IL1RAPL1: variants seen among roughly 807,000 people sequenced by gnomAD.
IL1RAPL1 encodes the protein interleukin-1 receptor accessory protein-like 1.
Under a neutral mutation model 48.4 loss-of-function variants are expected in IL1RAPL1, and 3 were observed. The observed-to-expected ratio is 0.06, with a 90% CI of 0.03 to 0.16. The LOEUF is 0.16. Ranked by LOEUF, IL1RAPL1 falls within the 10% of genes least tolerant of loss-of-function variation. IL1RAPL1 has a pLI of 1.00. For missense variants in IL1RAPL1, 349 were observed against 530.6 expected (o/e 0.66, Z 3.36); for synonymous variants, 185 against 187.7 (o/e 0.99, Z 0.12).
chrX:29,213,680 C>G (rs1433822887), intron 2 of IL1RAPL1, among the ~76,000 whole-genome samples: 1 of 112,818 alleles, frequency 8.9e-6, no homozygotes, highest in Non-Finnish European at 1.9e-5. Flanking sequence ...GGCATGGACA[C>G]TGCTTGTTCT....
chrX:29,747,633 T>A (rs1300276981), intron 6 of IL1RAPL1, among the ~76,000 whole-genome samples: 3 of 112,443 alleles, frequency 2.7e-5, no homozygotes, highest in African/African-American at 9.7e-5. Flanking sequence ...GTCTAGGTTA[T>A]CTTTTGGAAA....
At chrX:29,817,469 G>C (rs753769362) in intron 6 of IL1RAPL1, among the ~76,000 whole-genome samples, 3 of 111,007 alleles carry the variant, frequency 2.7e-5, no homozygotes, top group Non-Finnish European at 5.7e-5. Flanking sequence ...CAGCTGAAAG[G>C]TGTATGAAGT....
chrX:29,887,437 C>T (rs926030880), intron 6 of IL1RAPL1, among the ~76,000 whole-genome samples: 1 of 111,697 alleles, frequency 9.0e-6, no homozygotes, highest in African/African-American at 3.3e-5. Flanking sequence ...AATTTGGTCT[C>T]TTTATGTATA....
intron 5 of IL1RAPL1, among the ~76,000 whole-genome samples, chrX:29,487,429 A>G (rs1016623163): frequency 1.8e-5 from 2 of 111,633 alleles, no homozygotes; most frequent in African/African-American, 6.5e-5. Context: ...GAATCAGTCA[A>G]TGGGAATCTT....
intron 6 of IL1RAPL1, among the ~76,000 whole-genome samples, chrX:29,795,470 G>A (rs770580623): frequency 5.3e-5 from 6 of 112,228 alleles, no homozygotes; most frequent in Non-Finnish European, 1.1e-4. Flanking sequence ...GAGTGTAGTG[G>A]CACAATCTCG....
chrX:29,212,485 T>A, intron 2 of IL1RAPL1, among the ~76,000 whole-genome samples: 1 of 111,101 alleles, frequency 9.0e-6, no homozygotes, highest in East Asian at 2.8e-4. Context: ...ATTTTTGTAT[T>A]TTAAGTAGAG....
chrX:28,962,481 C>T (rs1024201519), intron 2 of IL1RAPL1, among the ~76,000 whole-genome samples: 2 of 111,130 alleles, frequency 1.8e-5, no homozygotes, highest in African/African-American at 6.5e-5. Context: ...GGTAGTAAGA[C>T]TTTTGTTTAA....
chrX:29,221,672 C>CACAT (rs1930982036), intron 2 of IL1RAPL1, among the ~76,000 whole-genome samples: 4 of 91,948 alleles, frequency 4.4e-5, no homozygotes. Context: ...CACACACACA[C>CACAT]ATATGACAGA....
intron 9 of IL1RAPL1, among the ~76,000 whole-genome samples, chrX:29,949,879 CAT>C (rs1389974099): frequency 2.3e-4 from 26 of 111,998 alleles, no homozygotes; most frequent in African/African-American, 7.8e-4. Context: ...CCTTAGAATC[CAT>C]ATGATTTTGA....
chrX:29,906,461 AT>A (rs1932624054), intron 6 of IL1RAPL1, among the ~76,000 whole-genome samples: 6 of 127 alleles, frequency 0.047, no homozygotes, highest in Non-Finnish European at 0.088. Context: ...AACTTTGTAA[AT>A]ATATATATAT....
chrX:28,749,671 G>T (rs1468925398), intron 1 of IL1RAPL1, among the ~76,000 whole-genome samples: 2 of 111,497 alleles, frequency 1.8e-5, no homozygotes, highest in Admixed American at 9.6e-5. Flanking sequence ...CAGATATATA[G>T]TTTGCAAATA....
chrX:29,506,471 CATTCTT>C (rs1935331319), intron 5 of IL1RAPL1, among the ~76,000 whole-genome samples: 1 of 107,063 alleles, frequency 9.3e-6, no homozygotes, highest in Non-Finnish European at 1.9e-5. Flanking sequence ...TCCTCCTTCT[CATTCTT>C]CTTCTTCTTT....
chrX:29,057,192 C>G (rs755896266), intron 2 of IL1RAPL1, among the ~76,000 whole-genome samples: 201 of 111,687 alleles, frequency 1.8e-3, no homozygotes, highest in Middle Eastern at 9.3e-3. Flanking sequence ...ATGATGACCT[C>G]ATCATGATAT....
chrX:29,280,918 A>C (rs1932191407), intron 2 of IL1RAPL1, among the ~76,000 whole-genome samples: 1 of 112,281 alleles, frequency 8.9e-6, no homozygotes, highest in Non-Finnish European at 1.9e-5. Context: ...AGGCAGAGGG[A>C]AGAGCAAGTT....
At chrX:29,020,618 C>A (rs1926341741) in intron 2 of IL1RAPL1, among the ~76,000 whole-genome samples, 1 of 111,513 alleles carries the variant, frequency 9.0e-6, no homozygotes, top group Non-Finnish European at 1.9e-5. Flanking sequence ...TATTTGGTGA[C>A]CATAGTAGGT....
chrX:29,888,084 T>C (rs1932202537), intron 6 of IL1RAPL1, among the ~76,000 whole-genome samples: 1 of 111,744 alleles, frequency 8.9e-6, no homozygotes, highest in African/African-American at 3.3e-5. Flanking sequence ...ATAAGATGGC[T>C]CAATTTTGGA....
intron 6 of IL1RAPL1, among the ~76,000 whole-genome samples, chrX:29,909,146 G>T (rs187391089): frequency 9.0e-6 from 1 of 111,585 alleles, no homozygotes; most frequent in Admixed American, 9.5e-5. Context: ...AGGCCAAGGT[G>T]GGAGGATTAC....
At chrX:29,434,916 A>G (rs1192852125) in intron 5 of IL1RAPL1, among the ~76,000 whole-genome samples, 1 of 110,902 alleles carries the variant, frequency 9.0e-6, no homozygotes, top group Admixed American at 9.6e-5. Context: ...ACCACTGTCT[A>G]ATTCTAGAAC....
intron 2 of IL1RAPL1, among the ~76,000 whole-genome samples, chrX:29,186,220 T>C (rs1251806784): frequency 8.9e-6 from 1 of 112,080 alleles, no homozygotes; most frequent in Non-Finnish European, 1.9e-5. Context: ...GCTAGATACA[T>C]GCAGCAGAGT....
Sources: gnomAD v4.1 joint callset for allele counts (sites outside exome capture counted in the v4.1 genomes callset) on GRCh38, gnomAD v4.1.1 for gene constraint, MANE v1.5 for transcripts, NCBI Gene and HGNC (gene_info 2026-07-23, HGNC 2026-07-21) for gene names.